Variants in ITPR2 observed in about 807,000 individuals in gnomAD.
ITPR2 encodes the protein inositol 1,4,5-trisphosphate-gated calcium channel ITPR2.
ITPR2 carries 207 observed loss-of-function variants against 317.1 expected under a neutral mutation model. The ratio of observed to expected loss-of-function variants is 0.65; its 90% CI spans 0.58 to 0.73. The LOEUF (loss-of-function observed/expected upper bound fraction) is 0.73, where lower values mean the gene tolerates loss of function less well. Among genes scored for constraint, ITPR2 ranks in the 30% least tolerant of loss-of-function variants. ITPR2 has a pLI of 0.00. For synonymous variants in ITPR2, 1,156 were observed against 1,149.1 expected (o/e 1.01, Z -0.12); for missense variants, 2,613 against 3,284.0 (o/e 0.80, Z 4.99).
intron 54 of ITPR2, 46 bp from the exon 55 acceptor site, chr12:26,387,640 A>G: frequency 6.4e-7 from 1 of 1,550,530 alleles, no homozygotes. Context: ...TCATTTAATC[A>G]GTACTTGCTT....
intron 2 of ITPR2, among the ~76,000 whole-genome samples, chr12:26,770,757 A>G (rs1036779393): frequency 7.2e-5 from 11 of 152,354 alleles, no homozygotes; most frequent in African/African-American, 2.6e-4. Flanking sequence ...TCCTTGCAGC[A>G]ACATGGAGTC....
intron 30 of ITPR2, 94 bp downstream of exon 30, chr12:26,599,051 C>T (rs1945925582): frequency 1.8e-6 from 2 of 1,136,830 alleles, no homozygotes; most frequent in Non-Finnish European, 2.6e-6. Context: ...ATTTTCCAAA[C>T]CTATGTTGTT....
intron 55 of ITPR2, among the ~76,000 whole-genome samples, chr12:26,385,016 A>C (rs1939626542): frequency 6.6e-6 from 1 of 152,112 alleles, no homozygotes; most frequent in African/African-American, 2.4e-5. Flanking sequence ...TACAGAGAGG[A>C]TCTCTGCACT....
chr12:26,497,013 C>T (rs962182551), intron 37 of ITPR2, among the ~76,000 whole-genome samples: 6 of 146,674 alleles, frequency 4.1e-5, no homozygotes, highest in South Asian at 2.2e-4. Context: ...TCACCTACTA[C>T]CCGCCCCCAC....
At chr12:26,427,322 A>C (rs959775365) in intron 49 of ITPR2, among the ~76,000 whole-genome samples, 1 of 152,066 alleles carries the variant, frequency 6.6e-6, no homozygotes, top group Non-Finnish European at 1.5e-5. Flanking sequence ...TCTCGGGTAA[A>C]ATTATTTCTA....
At chr12:26,438,636 A>C (rs373256183) in intron 47 of ITPR2, among the ~76,000 whole-genome samples, 1 of 152,368 alleles carries the variant, frequency 6.6e-6, no homozygotes, top group East Asian at 1.9e-4. Context: ...TTTAAATACA[A>C]GTGTTATCAT....
At chr12:26,550,673 T>C (rs1345745797) in intron 36 of ITPR2, among the ~76,000 whole-genome samples, 1 of 149,746 alleles carries the variant, frequency 6.7e-6, no homozygotes, top group Non-Finnish European at 1.5e-5. Flanking sequence ...AACAAATTTA[T>C]TAGAGAAATA....
intron 45 of ITPR2, among the ~76,000 whole-genome samples, chr12:26,470,126 C>T (rs1411026281): frequency 6.6e-6 from 1 of 152,164 alleles, no homozygotes; most frequent in Non-Finnish European, 1.5e-5. Flanking sequence ...CTAATCTCTT[C>T]TACTAAAACT....
intron 5 of ITPR2, among the ~76,000 whole-genome samples, chr12:26,719,484 G>T (rs1342939478): frequency 6.6e-6 from 1 of 152,194 alleles, no homozygotes; most frequent in Non-Finnish European, 1.5e-5. Flanking sequence ...TGAAAATAAA[G>T]AGGGATATAA....
Position 26,448,031 on chromosome 12 carries a change from A to C in ITPR2, c.6343-4381T>G, listed in dbSNP as rs957518888. On this transcript the variant is annotated intron_variant, in intron 45 of 56. Transcript: ENST00000381340. ...AAAAAAAAAACCCAGCATCCAAAGC[A>C]GCAATCACACCATTTAGTATTATGT... Among the ~76,000 whole-genome samples the C allele has an allele frequency of 2.6e-5, 4 of 151,240 alleles. No individual in the cohort carries two copies. In the East Asian group the frequency reaches 7.7e-4, roughly 29 times the overall value.
chr12:26,702,233 T>C (rs1281408574), intron 9 of ITPR2, among the ~76,000 whole-genome samples: 2 of 152,004 alleles, frequency 1.3e-5, no homozygotes, highest in Non-Finnish European at 2.9e-5. Flanking sequence ...GCCACCTAAC[T>C]ACATATATGC....
intron 2 of ITPR2, among the ~76,000 whole-genome samples, chr12:26,764,391 G>C (rs1949684295): frequency 6.6e-6 from 1 of 152,034 alleles, no homozygotes; most frequent in South Asian, 2.1e-4. Context: ...TTCTGCAAAA[G>C]ACAGTGTCAA....
At chr12:26,748,245 G>A (rs1262327488) in intron 2 of ITPR2, among the ~76,000 whole-genome samples, 1 of 152,022 alleles carries the variant, frequency 6.6e-6, no homozygotes, top group Non-Finnish European at 1.5e-5. Context: ...GTTTAGTAGA[G>A]ACAGGGTTTC....
At chr12:26,516,403 A>C (rs932584639) in intron 37 of ITPR2, among the ~76,000 whole-genome samples, 5 of 152,032 alleles carry the variant, frequency 3.3e-5, no homozygotes, top group African/African-American at 1.2e-4. Context: ...AGATACCATC[A>C]GAGTGGCCAT....
At chr12:26,481,547 A>G (rs1019345780) in intron 42 of ITPR2, among the ~76,000 whole-genome samples, 9 of 152,218 alleles carry the variant, frequency 5.9e-5, no homozygotes, top group Non-Finnish European at 1.2e-4. Flanking sequence ...CATTCAATAA[A>G]CTTTAATATA....
At chr12:26,533,337 T>C (rs924208891) in intron 37 of ITPR2, among the ~76,000 whole-genome samples, 8 of 152,200 alleles carry the variant, frequency 5.3e-5, no homozygotes, top group African/African-American at 1.7e-4. Flanking sequence ...GTTTCTTCCA[T>C]GGGTTTAAAC....
rs185595224 is a variant in ITPR2, at chr12:26,682,984, C to A, written c.1149-311G>T. Among the ~76,000 whole-genome samples the A allele has an allele frequency of 2.0e-5, 3 of 152,252 alleles. No homozygotes were observed. The East Asian group carries it at 5.8e-4, about 29-fold the overall frequency. On this transcript the variant is annotated intron_variant, in intron 11 of 56. Coordinates refer to ENST00000381340, the MANE Select transcript of ITPR2 (RefSeq NM_002223.4). ...TGAATCAGAAACTTTGGGGGTGTGGCCCAACAATGAGTGGTTTAATAGGTT... is the reference window on the plus strand; with the variant it reads ...TGAATCAGAAACTTTGGGGGTGTGGACCAACAATGAGTGGTTTAATAGGTT...
chr12:26,806,658 C>T (rs538385249), intron 1 of ITPR2, among the ~76,000 whole-genome samples: 1 of 152,328 alleles, frequency 6.6e-6, no homozygotes, highest in East Asian at 1.9e-4. Context: ...TCTGGAACTA[C>T]TGAGTGGTAG....
intron 5 of ITPR2, 116 bp from the exon 6 acceptor site, chr12:26,716,358 A>T (rs1453704984): frequency 4.8e-6 from 3 of 619,160 alleles, no homozygotes; most frequent in Non-Finnish European, 8.5e-6. Context: ...TGGTCCTTTT[A>T]TCCTTCACAC....
Sources: allele counts gnomAD v4.1 joint callset (sites outside exome capture counted in the v4.1 genomes callset), GRCh38; gene constraint gnomAD v4.1.1; transcripts MANE v1.5; gene names NCBI Gene and HGNC (gene_info 2026-07-23, HGNC 2026-07-21).